ST8SIA1: variants seen among roughly 807,000 people sequenced by gnomAD.
ST8SIA1 encodes the protein alpha-N-acetylneuraminide alpha-2,8-sialyltransferase.
In ST8SIA1, 16 loss-of-function variants were observed where a neutral mutation model predicts 35.9. The ratio of observed to expected loss-of-function variants is 0.45; its 90% CI spans 0.30 to 0.68. The LOEUF (loss-of-function observed/expected upper bound fraction) is 0.68. Ranked by LOEUF, ST8SIA1 falls within the 30% of genes least tolerant of loss-of-function variation. The pLI is 0.09. For synonymous variants in ST8SIA1, 170 were observed against 169.6 expected (o/e 1.00, Z -0.02); for missense variants, 383 against 453.6 (o/e 0.84, Z 1.41).
chr12:22,207,851 T>C (rs1865130130), intron 4 of ST8SIA1, among the ~76,000 whole-genome samples: 1 of 151,950 alleles, frequency 6.6e-6, no homozygotes, highest in Admixed American at 6.6e-5. Flanking sequence ...ACACATAAAA[T>C]AGAAAATTTC....
At chr12:22,316,208 C>T (rs969904773) in intron 1 of ST8SIA1, among the ~76,000 whole-genome samples, 1 of 152,010 alleles carries the variant, frequency 6.6e-6, no homozygotes, top group Non-Finnish European at 1.5e-5. Flanking sequence ...AAATATGACA[C>T]AATAGCACAG....
At chr12:22,279,869 A>G (rs1866013852) in intron 2 of ST8SIA1, among the ~76,000 whole-genome samples, 1 of 152,324 alleles carries the variant, frequency 6.6e-6, no homozygotes, top group South Asian at 2.1e-4. Flanking sequence ...AACACTGAAG[A>G]TAACAGGGTA....
chr12:22,271,234 G>A (rs1865908721), intron 2 of ST8SIA1, among the ~76,000 whole-genome samples: 1 of 152,142 alleles, frequency 6.6e-6, no homozygotes, highest in South Asian at 2.1e-4. Context: ...TCTTATAAGT[G>A]TACTAAACAG....
intron 2 of ST8SIA1, among the ~76,000 whole-genome samples, chr12:22,280,192 CAG>C (rs1287006015): frequency 2.6e-5 from 4 of 152,106 alleles, no homozygotes; most frequent in African/African-American, 4.8e-5. Flanking sequence ...AGAAATGAAA[CAG>C]AGGCTTCCTA....
At chr12:22,239,900 T>C (rs912612060) in intron 4 of ST8SIA1, among the ~76,000 whole-genome samples, 3 of 152,216 alleles carry the variant, frequency 2.0e-5, no homozygotes, top group Non-Finnish European at 4.4e-5. Flanking sequence ...GTCTCTTTTC[T>C]AAGTTTTGGT....
At chr12:22,274,759 C>T (rs149861188) in intron 2 of ST8SIA1, among the ~76,000 whole-genome samples, 118 of 152,252 alleles carry the variant, frequency 7.8e-4, no homozygotes, top group African/African-American at 2.5e-3. Flanking sequence ...CCTAGGTTGA[C>T]GTAACTTGAT....
chr12:22,262,459 C>T (rs973055306), intron 2 of ST8SIA1, among the ~76,000 whole-genome samples: 2 of 152,138 alleles, frequency 1.3e-5, no homozygotes, highest in Admixed American at 6.5e-5. Context: ...ACAGCAGAGC[C>T]GGCACTGACC....
At chr12:22,315,345 C>A (rs577478556) in intron 1 of ST8SIA1, among the ~76,000 whole-genome samples, 1 of 152,294 alleles carries the variant, frequency 6.6e-6, no homozygotes, top group Admixed American at 6.5e-5. Flanking sequence ...TGACAGAGGA[C>A]TTGGTTTAGA....
chr12:22,308,104 TTTGATGGTGG>T (rs1866406775), intron 1 of ST8SIA1, among the ~76,000 whole-genome samples: 1 of 152,174 alleles, frequency 6.6e-6, no homozygotes, highest in Non-Finnish European at 1.5e-5. Context: ...CAAGTAAATT[TTTGATGGTGG>T]TTGCTTTAAA....
At chr12:22,304,018 T>C (rs1866352069) in intron 1 of ST8SIA1, among the ~76,000 whole-genome samples, 1 of 152,200 alleles carries the variant, frequency 6.6e-6, no homozygotes, top group South Asian at 2.1e-4. Flanking sequence ...AAAAGAGCAA[T>C]GGCTGTCGTC....
chr12:22,273,839 T>C (rs928357869), intron 2 of ST8SIA1, among the ~76,000 whole-genome samples: 2 of 152,186 alleles, frequency 1.3e-5, no homozygotes, highest in African/African-American at 4.8e-5. Context: ...CATAACTCCC[T>C]ATCATCCAGA....
intron 1 of ST8SIA1, chr12:22,326,436 A>G (rs1177528694): frequency 6.6e-6 from 1 of 152,398 alleles, no homozygotes; most frequent in Non-Finnish European, 1.5e-5. Context: ...TTGTCCAAAG[A>G]CATGGATTTT....
At chr12:22,223,584 T>C (rs1028229718) in intron 4 of ST8SIA1, 4 of 1,052,348 alleles carry the variant, frequency 3.8e-6, no homozygotes, top group African/African-American at 1.7e-5. Flanking sequence ...AGCCAGATTC[T>C]GATTCAAGCA....
At chr12:22,320,625 G>A (rs1866575019) in intron 1 of ST8SIA1, among the ~76,000 whole-genome samples, 2 of 151,990 alleles carry the variant, frequency 1.3e-5, no homozygotes, top group Admixed American at 6.6e-5. Flanking sequence ...CGGGAGGATC[G>A]CTTCAGCCCA....
chr12:22,286,396 C>G (rs1393774716), intron 2 of ST8SIA1: 1 of 512,212 alleles, frequency 2.0e-6, no homozygotes, highest in African/African-American at 1.9e-5. Context: ...CTTAAAAATT[C>G]TCTTTCTGTA....
At chr12:22,314,618 T>C (rs1350351153) in intron 1 of ST8SIA1, among the ~76,000 whole-genome samples, 1 of 152,204 alleles carries the variant, frequency 6.6e-6, no homozygotes, top group African/African-American at 2.4e-5. Flanking sequence ...CTGTCCAGTA[T>C]TGAATTGTGT....
intron 2 of ST8SIA1, among the ~76,000 whole-genome samples, chr12:22,261,750 T>C (rs772947425): frequency 1.3e-5 from 2 of 152,118 alleles, no homozygotes; most frequent in Non-Finnish European, 2.9e-5. Context: ...GCCCATCCAG[T>C]GTGTTGCTTC....
chr12:22,239,379 T>C (rs7312773), intron 4 of ST8SIA1, among the ~76,000 whole-genome samples: 115,046 of 152,012 alleles, frequency 0.76, 43,699 homozygotes, highest in Middle Eastern at 0.87. Flanking sequence ...TTGTATTTTC[T>C]ATAGCCTCAT....
chr12:22,287,234 G>A lies in ST8SIA1; in HGVS notation c.296C>T (p.Ser99Phe), dbSNP rs753261820. The change falls in exon 2 of 5, where the codon TCC (serine) becomes TTC (phenylalanine). Residue 99 changes from serine to phenylalanine, a missense_variant. Transcript: ENST00000396037. ...AHLFAMTKMN[S>F]PMGKSMWYDG... ...ATACCACATGCTCTTCCCCATAGGG[G>A]AATTCATTTTAGTCATAGCAAAGAG... 6.2e-7 allele frequency: 1 copy of A among 1,614,080 alleles called. No homozygotes were observed. Among genetic ancestry groups the A allele is most frequent in the South Asian group, 1.1e-5 (1 of 91,072 alleles).
Sources: gnomAD v4.1 joint callset for allele counts (sites outside exome capture counted in the v4.1 genomes callset) on GRCh38, gnomAD v4.1.1 for gene constraint, MANE v1.5 for transcripts, NCBI Gene and HGNC (gene_info 2026-07-23, HGNC 2026-07-21) for gene names.